CCDC187: variants seen among roughly 807,000 people sequenced by gnomAD.
CCDC187 encodes the protein coiled-coil domain containing 187, also known as coiled-coil domain-containing protein 187.
Under a neutral mutation model 38.0 loss-of-function variants are expected in CCDC187, and 32 were observed. The ratio of observed to expected loss-of-function variants is 0.84; its 90% CI spans 0.64 to 1.13. The LOEUF (loss-of-function observed/expected upper bound fraction) is 1.13. CCDC187 is among the 50% of genes most tolerant of loss of function. The pLI, the probability that CCDC187 is intolerant of heterozygous loss-of-function variation, is 0.00. For missense variants in CCDC187, 707 were observed against 786.8 expected, an observed-to-expected ratio of 0.90 and a Z score of 1.21; for synonymous variants, 333 against 347.9, an observed-to-expected ratio of 0.96 and a Z score of 0.48.
At position 136,252,583 on chromosome 9, in the gene CCDC187, G is replaced by A. The variant is rs1006663113; in HGVS notation, c.*1011C>T. On this transcript the variant is annotated 3_prime_UTR_variant, in exon 26 of 26. Coordinates refer to ENST00000638797, the MANE Select transcript of CCDC187 (RefSeq NM_001378188.1). ...GTCCCGCACAGCCGGCCGCCCGGCC[G>A]GTCCACCCTGGGAAAGTCCAGGCCT... 19 of 171,404 alleles carry A rather than the reference G, an allele frequency of 1.1e-4. No homozygotes were observed. Among genetic ancestry groups the A allele is most frequent in the South Asian group, 9.8e-4 (10 of 10,248 alleles). The allele number at this position is 171,404 out of a possible 1,614,324, so 10.6% of individuals were successfully genotyped here.
Position 136,291,416 on chromosome 9 carries a change from C to T in CCDC187, c.1197G>A (p.Gly399=), listed in dbSNP as rs1303861367. The stretch of plus-strand genomic sequence containing the variant: ...CGTCCTGCAGCCTCCGCTTTGATGG[C>T]CCGAGCTCTTGCCCTCCCTTGCGGG... ...AQARKGGQEL[G]PSKRRLQDVA... is the part of the protein sequence containing the mutation. The change falls in exon 6 of 26, where the codon GGG becomes GGA. Residue 399 remains glycine, a synonymous_variant. Transcript: ENST00000638797. 2.5e-6 allele frequency: 1 copy of T among 398,880 alleles called. No individual in the cohort carries two copies. Among genetic ancestry groups the T allele is most frequent in the African/African-American group, 2.1e-5 (1 of 48,650 alleles). 24.7% of individuals were successfully genotyped at this position (398,880 alleles called of 1,614,324 possible).
At chr9:136,266,740 C>T (rs182071849) in intron 16 of CCDC187, 4 of 152,356 alleles carry the variant, frequency 2.6e-5, no homozygotes, top group African/African-American at 7.2e-5. Flanking sequence ...CAAAACAGCA[C>T]GTACTGCCCA....
intron 4 of CCDC187, among the ~76,000 whole-genome samples, chr9:136,293,932 GTGCTCTCCCACACACACA>G (rs1188333807): frequency 1.4e-5 from 2 of 139,424 alleles, no homozygotes; most frequent in African/African-American, 2.6e-5. Flanking sequence ...ACACTCCCTC[GTGCTCTCCCACACACACA>G]TGCTCATATA....
At chr9:136,280,430 C>T (rs1317379197) in intron 10 of CCDC187, among the ~76,000 whole-genome samples, 2 of 152,194 alleles carry the variant, frequency 1.3e-5, no homozygotes, top group African/African-American at 4.8e-5. Flanking sequence ...GGGGAAGACG[C>T]AGACCCTTCC....
At chr9:136,293,353 ACACACATTCACATGCT>A (rs1270281353) in intron 4 of CCDC187, among the ~76,000 whole-genome samples, 1 of 147,574 alleles carries the variant, frequency 6.8e-6, no homozygotes, top group Non-Finnish European at 1.5e-5. Flanking sequence ...TCACATGCTC[ACACACATTCACATGCT>A]CACACACTCA....
intron 19 of CCDC187, among the ~76,000 whole-genome samples, chr9:136,261,745 C>T (rs1310583467): frequency 6.6e-6 from 1 of 152,232 alleles, no homozygotes; most frequent in Non-Finnish European, 1.5e-5. Flanking sequence ...ACAGGGGCCT[C>T]CAAAGGCTGC....
rs62579894 is a variant in CCDC187 at position 136,256,243 on chromosome 9, C to T, written c.4584G>A (p.Gln1528=). ...DFAESPVEES[Q]ETESWRSGEQ... is the part of the protein sequence containing the mutation. The stretch of plus-strand genomic sequence containing the variant: ...CCCCCGATCGCCAGCTCTCGGTTTC[C>T]TGGGACTCCTCCACGGGGCTCTCAG... Residue 1528 remains glutamine, a synonymous_variant, in exon 24 of 26, where the codon CAG becomes CAA. Coordinates refer to ENST00000638797, the MANE Select transcript of CCDC187 (RefSeq NM_001378188.1). The T allele has an allele frequency of 0.18, 178,949 of 985,344 alleles. 16,927 individuals are homozygous for T. The highest frequency in any genetic ancestry group is 0.25 in the Admixed American group (4,119 of 16,264). The allele number at this position is 985,344 out of a possible 1,614,324, so 61.0% of individuals were successfully genotyped here.
intron 7 of CCDC187, among the ~76,000 whole-genome samples, chr9:136,287,347 C>G (rs1831206149): frequency 6.6e-6 from 1 of 152,194 alleles, no homozygotes; most frequent in South Asian, 2.1e-4. Flanking sequence ...GAGAAAGTTT[C>G]ATTTGTCTTA....
chr9:136,292,844 G>T (rs1431481564), intron 4 of CCDC187, among the ~76,000 whole-genome samples: 1 of 152,236 alleles, frequency 6.6e-6, no homozygotes, highest in African/African-American at 2.4e-5. Context: ...AGCGGTGAAG[G>T]CTCCCCGGCT....
intron 9 of CCDC187, among the ~76,000 whole-genome samples, chr9:136,284,585 C>T (rs1204723796): frequency 1.3e-5 from 2 of 152,044 alleles, no homozygotes; most frequent in Non-Finnish European, 2.9e-5. Context: ...TGGCAGTATG[C>T]GGTGTGCAGG....
At chr9:136,255,962 G>A (rs997336693) in intron 24 of CCDC187, among the ~76,000 whole-genome samples, 2 of 152,178 alleles carry the variant, frequency 1.3e-5, no homozygotes, top group African/African-American at 4.8e-5. Context: ...CAGAGAGGGG[G>A]GTGGGGCTGC....
rs1588678723 is a variant in CCDC187 at position 136,303,072 on chromosome 9, G to A, written c.365C>T (p.Ser122Leu). ...AGACACACACACGTCGTGGCCCCCC[G>A]AAGAGCACGAGAGGCGGCCCGATGA... is the stretch of plus-strand genomic sequence containing the variant. ...SVSSGRLSCS[S>L]GGHDVCVSWK... Residue 122 changes from serine to leucine, a missense_variant, in exon 2 of 26, where the codon TCG becomes TTG. By Grantham distance (145) the Ser-to-Leu change is moderately radical. Transcript: ENST00000638797. 4 of 398,528 alleles carry A rather than the reference G, an allele frequency of 1.0e-5. No homozygotes were observed. Among genetic ancestry groups the A allele is most frequent in the Non-Finnish European group, 1.8e-5 (4 of 226,090 alleles). The allele number at this position is 398,528 out of a possible 1,614,324, so 24.7% of individuals were successfully genotyped here.
intron 9 of CCDC187, among the ~76,000 whole-genome samples, chr9:136,282,858 T>C (rs1480181632): frequency 2.0e-5 from 3 of 152,142 alleles, no homozygotes; most frequent in African/African-American, 7.2e-5. Context: ...CCTGGAGAAG[T>C]GTTCTGGAAC....
chr9:136,263,054 CCCCAGTCCTGCTTATCCTCCCCA>C (rs1182805807), intron 18 of CCDC187, among the ~76,000 whole-genome samples: 5 of 151,954 alleles, frequency 3.3e-5, no homozygotes, highest in African/African-American at 1.2e-4. Context: ...CCCATGAGAT[CCCCAGTCCTGCTTATCCTCCCCA>C]CCCAATCCAC....
At chr9:136,275,316 G>C (rs942730504) in intron 12 of CCDC187, among the ~76,000 whole-genome samples, 4 of 152,178 alleles carry the variant, frequency 2.6e-5, no homozygotes, top group African/African-American at 9.7e-5. Context: ...CCGGCTGGGG[G>C]TGCTGGGAGG....
intron 2 of CCDC187, 64 bp downstream of exon 2, chr9:136,302,748 C>T (rs1291968606): frequency 2.5e-6 from 1 of 399,090 alleles, no homozygotes; most frequent in Non-Finnish European, 4.4e-6. Flanking sequence ...CGATCCTGCC[C>T]GCTTTCCACC....
At position 136,264,612 on chromosome 9, in the gene CCDC187, C is replaced by G. The variant is rs1830723090; in HGVS notation, c.3736-814G>C. On this transcript the variant is annotated intron_variant, in intron 17 of 25. Coordinates refer to ENST00000638797, the MANE Select transcript of CCDC187 (RefSeq NM_001378188.1). The surrounding 1 kb of genome is among the most constrained non-coding windows in gnomAD (Gnocchi z 4.3). ...CCCCCAGCTCCCTTGCCTGTAATGC[C>G]CCATGCCTGACACCCCAGGTCGTAG... 6.6e-6 allele frequency among the ~76,000 whole-genome samples: 1 copy of G among 152,150 alleles called. No individual in the cohort carries two copies. The highest frequency in any genetic ancestry group is 2.4e-5 in the African/African-American group (1 of 41,418).
chr9:136,290,626 G>A lies in CCDC187; in HGVS notation c.1987C>T (p.Arg663Cys), dbSNP rs990361909. 1.4e-4 allele frequency: 55 copies of A among 398,512 alleles called. No homozygotes were observed. The highest frequency in any genetic ancestry group is 2.1e-4 in the Non-Finnish European group (48 of 226,078). 24.7% of individuals were successfully genotyped at this position (398,512 alleles called of 1,614,324 possible). A position where few individuals can be genotyped will look rare whatever the true frequency, so the allele number is the denominator to read the frequency against. ...CTCCGGCTCCTCAGCTCCCGTGTGC[G>A]CAGGGCCGAGGCCTTCTCCTCCAGG... ...QALEEKASAL[R>C]TRELRSRRLQ... The change falls in exon 6 of 26, where the codon CGC becomes TGC. Residue 663 changes from arginine to cysteine, a missense_variant. Transcript: ENST00000638797.
At chr9:136,287,465 T>C (rs1831209113) in intron 7 of CCDC187, among the ~76,000 whole-genome samples, 2 of 152,296 alleles carry the variant, frequency 1.3e-5, no homozygotes, top group South Asian at 2.1e-4. Flanking sequence ...AGAGTCCTCG[T>C]TCATCACGCT....
Sources: allele counts gnomAD v4.1 joint callset (sites outside exome capture counted in the v4.1 genomes callset), GRCh38; gene constraint gnomAD v4.1.1; non-coding constraint Gnocchi (gnomAD v3.1); transcripts MANE v1.5; gene names NCBI Gene and HGNC (gene_info 2026-07-23, HGNC 2026-07-21).